Variants in PLCB1 observed in about 807,000 individuals in gnomAD.
PLCB1 encodes 1-phosphatidylinositol 4,5-bisphosphate phosphodiesterase beta-1.
In PLCB1, 46 loss-of-function variants were observed where a neutral mutation model predicts 161.8. The observed-to-expected ratio is 0.28, with a 90% CI of 0.22 to 0.36. PLCB1 has a LOEUF of 0.36. Ranked by LOEUF, PLCB1 falls within the 10% of genes least tolerant of loss-of-function variation. PLCB1 has a pLI of 1.00. For missense variants in PLCB1, 1,016 were observed against 1,472.5 expected, an observed-to-expected ratio of 0.69 and a Z score of 5.07; for synonymous variants, 517 against 503.7, an observed-to-expected ratio of 1.03 and a Z score of -0.35.
intron 2 of PLCB1, among the ~76,000 whole-genome samples, chr20:8,267,878 A>G (rs541719056): frequency 6.6e-6 from 1 of 152,142 alleles, no homozygotes; most frequent in Admixed American, 6.5e-5. Flanking sequence ...GCAGAGTTAC[A>G]AAGTTACATA....
chr20:8,740,551 A>T, intron 22 of PLCB1, 103 bp downstream of exon 22: 1 of 551,426 alleles, frequency 1.8e-6, no homozygotes. Flanking sequence ...CAAACAAAGC[A>T]GGAGATTCTG....
intron 3 of PLCB1, among the ~76,000 whole-genome samples, chr20:8,491,938 C>CT (rs1034348355): frequency 2.0e-5 from 3 of 149,762 alleles, no homozygotes; most frequent in Non-Finnish European, 4.4e-5. Flanking sequence ...TTTGTTTGTT[C>CT]TTTTTTTTGT....
chr20:8,736,286 G>A (rs7263712), intron 19 of PLCB1, among the ~76,000 whole-genome samples: 2 of 152,158 alleles, frequency 1.3e-5, no homozygotes, highest in Non-Finnish European at 2.9e-5. Flanking sequence ...AGACATGGAA[G>A]ACATTTATAA....
intron 2 of PLCB1, among the ~76,000 whole-genome samples, chr20:8,356,302 T>C (rs74617809): frequency 1.3e-5 from 2 of 152,168 alleles, no homozygotes; most frequent in Non-Finnish European, 2.9e-5. Flanking sequence ...AACTTAAAAG[T>C]ATATCAGAAT....
chr20:8,631,304 G>A (rs140532374), intron 4 of PLCB1, among the ~76,000 whole-genome samples: 7 of 152,308 alleles, frequency 4.6e-5, no homozygotes, highest in African/African-American at 1.7e-4. Flanking sequence ...GCACAGTGTT[G>A]CCAGATCTTG....
intron 2 of PLCB1, among the ~76,000 whole-genome samples, chr20:8,308,024 T>C (rs1984217049): frequency 6.6e-6 from 1 of 152,022 alleles, no homozygotes; most frequent in South Asian, 2.1e-4. Flanking sequence ...TAGAGAACTT[T>C]AAATATCAAA....
At chr20:8,591,013 C>T (rs1290373039) in intron 3 of PLCB1, among the ~76,000 whole-genome samples, 1 of 152,084 alleles carries the variant, frequency 6.6e-6, no homozygotes. Context: ...GTGTTGTTCC[C>T]CTCCCTGTGT....
At chr20:8,372,296 A>T (rs1390204898) in intron 3 of PLCB1, 2 of 152,094 alleles carry the variant, frequency 1.3e-5, no homozygotes, top group Non-Finnish European at 2.9e-5. Flanking sequence ...TTTATCTTTT[A>T]AAAGTCAAAA....
At chr20:8,278,978 T>A (rs11476528) in intron 2 of PLCB1, among the ~76,000 whole-genome samples, 4,295 of 123,432 alleles carry the variant, frequency 0.035, 140 homozygotes, top group African/African-American at 0.098. Context: ...CAGTGTTTTT[T>A]AAAAAAAAAA....
Position 8,628,277 on chromosome 20 carries a change from C to G in PLCB1, c.247-17C>G. The G allele has an allele frequency of 1.3e-6, 2 of 1,596,808 alleles. No individual in the cohort carries two copies. The highest frequency in any genetic ancestry group is 2.7e-5 in the African/African-American group (2 of 74,686). The stretch of plus-strand genomic sequence containing the variant: ...TCTCTAGTTATAGACTAATTATTTT[C>G]AATATTTATTACCCAGGACCCCAAA... On this transcript the variant is annotated splice_polypyrimidine_tract_variant and intron_variant, in intron 3 of 31. Transcript: ENST00000338037.
intron 6 of PLCB1, among the ~76,000 whole-genome samples, 164 bp downstream of exon 6, chr20:8,648,117 C>T (rs528959747): frequency 4.8e-4 from 73 of 152,328 alleles, no homozygotes; most frequent in Non-Finnish European, 9.0e-4. Context: ...AGCTGCTTTC[C>T]TCATAGACGT....
chr20:8,505,323 G>A (rs925940058), intron 3 of PLCB1, among the ~76,000 whole-genome samples: 8 of 152,182 alleles, frequency 5.3e-5, no homozygotes, highest in Non-Finnish European at 8.8e-5. Flanking sequence ...GCACTCTTGA[G>A]ACCCAGCAGT....
At chr20:8,676,956 T>G (rs537899473) in intron 9 of PLCB1, among the ~76,000 whole-genome samples, 4 of 152,104 alleles carry the variant, frequency 2.6e-5, no homozygotes, top group Non-Finnish European at 5.9e-5. Flanking sequence ...AATGCTAATT[T>G]TTTCAATAAA....
At chr20:8,659,812 C>T (rs1350450735) in intron 9 of PLCB1, among the ~76,000 whole-genome samples, 1 of 151,850 alleles carries the variant, frequency 6.6e-6, no homozygotes, top group Non-Finnish European at 1.5e-5. Flanking sequence ...GCCAACATGG[C>T]GAAATCCTGT....
At chr20:8,830,728 A>C (rs1220648732) in intron 31 of PLCB1, among the ~76,000 whole-genome samples, 1 of 152,072 alleles carries the variant, frequency 6.6e-6, no homozygotes, top group Non-Finnish European at 1.5e-5. Flanking sequence ...ATGAGTCTCC[A>C]TGTACTAATT....
chr20:8,460,793 G>C lies in PLCB1; in HGVS notation c.246+89343G>C, dbSNP rs376890211. On this transcript the variant is annotated intron_variant, in intron 3 of 31. Coordinates refer to ENST00000338037, the MANE Select transcript of PLCB1 (RefSeq NM_015192.4). ...CCCATTTAAGATTTTCAAGTACATA[G>C]GAACCACTGGGGACTCTTACTACCA... Among the ~76,000 whole-genome samples the C allele has an allele frequency of 2.1e-3, 315 of 152,292 alleles. 11 individuals are homozygous for C. The South Asian group carries it at 0.06, about 29-fold the overall frequency.
intron 11 of PLCB1, among the ~76,000 whole-genome samples, chr20:8,698,606 T>C (rs1035110335): frequency 6.6e-6 from 1 of 152,296 alleles, no homozygotes; most frequent in East Asian, 1.9e-4. Context: ...GTTTGTTTGC[T>C]CATACAACAA....
At chr20:8,431,998 T>C (rs897443987) in intron 3 of PLCB1, among the ~76,000 whole-genome samples, 3 of 151,780 alleles carry the variant, frequency 2.0e-5, no homozygotes, top group Middle Eastern at 3.2e-3. Context: ...ACCATGTCAC[T>C]GTGTGCTCAG....
intron 3 of PLCB1, among the ~76,000 whole-genome samples, chr20:8,466,034 T>C (rs1367931666): frequency 7.0e-6 from 1 of 143,746 alleles, no homozygotes; most frequent in African/African-American, 2.6e-5. Context: ...CGTATGTTTA[T>C]TGCGGCATTA....
Sources: gnomAD v4.1 joint callset for allele counts (sites outside exome capture counted in the v4.1 genomes callset) on GRCh38, gnomAD v4.1.1 for gene constraint, MANE v1.5 for transcripts, NCBI Gene and HGNC (gene_info 2026-07-23, HGNC 2026-07-21) for gene names.